The following TLN2 variants were observed in gnomAD, a reference collection of about 807,000 sequenced individuals.
TLN2 encodes talin 2.
Under a neutral mutation model 294.7 loss-of-function variants are expected in TLN2, and 118 were observed. That is an observed-to-expected ratio of 0.40 (90% CI 0.34 to 0.47). TLN2 has a LOEUF of 0.47. Ranked by LOEUF, TLN2 falls within the 20% of genes least tolerant of loss-of-function variation. The pLI, the probability that TLN2 is intolerant of heterozygous loss-of-function variation, is 0.84. For missense variants in TLN2, 3,083 were observed against 3,282.2 expected (o/e 0.94, Z 1.48); for synonymous variants, 1,431 against 1,304.5 (o/e 1.10, Z -2.09).
intron 1 of TLN2, among the ~76,000 whole-genome samples, chr15:62,397,340 C>T (rs1186891796): frequency 1.3e-5 from 2 of 152,186 alleles, no homozygotes; most frequent in East Asian, 3.8e-4. Flanking sequence ...TCACTACAGC[C>T]TCAAACTCCC....
Position 62,719,407 on chromosome 15 carries a change from A to G in TLN2, c.2878-360A>G, listed in dbSNP as rs538367113. On this transcript the variant is annotated intron_variant, in intron 24 of 58. Coordinates refer to ENST00000636159, the MANE Select transcript of TLN2 (RefSeq NM_015059.3). Reference sequence around the variant, plus strand: ...AACATGGGGCTGTACACTTCAGTTTACCACCTGTGAATCGTGTAGATCCTT... The same window carrying G: ...AACATGGGGCTGTACACTTCAGTTTGCCACCTGTGAATCGTGTAGATCCTT... Among the ~76,000 whole-genome samples the G allele has an allele frequency of 1.1e-4, 16 of 152,326 alleles. No homozygotes were observed. In the South Asian group the frequency reaches 2.9e-3, roughly 28 times the overall value.
intron 54 of TLN2, chr15:62,830,522 C>CTT (rs915733695): frequency 6.6e-6 from 1 of 152,174 alleles, no homozygotes; most frequent in Non-Finnish European, 1.5e-5. Flanking sequence ...TCCTTCCTAC[C>CTT]TTCTCCCCTA....
intron 9 of TLN2, among the ~76,000 whole-genome samples, chr15:62,667,132 AT>A (rs1295594294): frequency 2.0e-5 from 3 of 151,846 alleles, no homozygotes; most frequent in Non-Finnish European, 4.4e-5. Flanking sequence ...CGCCCGGCTA[AT>A]TTTTTGTATT....
chr15:62,606,081 GA>G (rs144686337), intron 2 of TLN2, among the ~76,000 whole-genome samples: 2,570 of 152,022 alleles, frequency 0.017, 46 homozygotes, highest in South Asian at 0.069. Flanking sequence ...ATTTCAAAAA[GA>G]TTTTTTTTTT....
At chr15:62,491,796 C>T (rs2038741554) in intron 1 of TLN2, among the ~76,000 whole-genome samples, 3 of 152,150 alleles carry the variant, frequency 2.0e-5, no homozygotes, top group African/African-American at 7.2e-5. Context: ...AGTTTCATAA[C>T]AGTCAGAGCA....
At chr15:62,709,586 G>A (rs537920001) in intron 21 of TLN2, among the ~76,000 whole-genome samples, 3 of 152,216 alleles carry the variant, frequency 2.0e-5, no homozygotes, top group Admixed American at 2.0e-4. Context: ...CTAATATACA[G>A]TCAGTTTAAA....
chr15:62,833,774 G>A (rs2069139322), intron 55 of TLN2, 145 bp downstream of exon 55: 5 of 1,201,792 alleles, frequency 4.2e-6, no homozygotes, highest in East Asian at 2.7e-5. Flanking sequence ...TGTGCTGACC[G>A]ACTGAAAACT....
intron 5 of TLN2, 137 bp from the exon 6 acceptor site, chr15:62,651,868 T>G (rs1216490165): frequency 9.2e-7 from 1 of 1,091,262 alleles, no homozygotes; most frequent in African/African-American, 1.6e-5. Context: ...TGAAAGGTTT[T>G]CAAAGATGTT....
chr15:62,802,584 G>A (rs1018762459), intron 50 of TLN2, among the ~76,000 whole-genome samples: 1 of 152,166 alleles, frequency 6.6e-6, no homozygotes, highest in Non-Finnish European at 1.5e-5. Context: ...TCTTTTGGGT[G>A]TATACCTAGG....
At chr15:62,465,062 C>G (rs916630829) in intron 1 of TLN2, among the ~76,000 whole-genome samples, 1 of 139,866 alleles carries the variant, frequency 7.1e-6, no homozygotes, top group Non-Finnish European at 1.5e-5. Flanking sequence ...CTCATTTGCT[C>G]TAATGGATAA....
intron 54 of TLN2, among the ~76,000 whole-genome samples, chr15:62,825,367 T>G (rs1353566598): frequency 2.0e-5 from 3 of 152,164 alleles, no homozygotes; most frequent in Non-Finnish European, 4.4e-5. Flanking sequence ...TGAATTGATG[T>G]GATTTTCTTG....
intron 11 of TLN2, among the ~76,000 whole-genome samples, chr15:62,676,948 A>G (rs961759809): frequency 2.0e-5 from 3 of 152,184 alleles, no homozygotes; most frequent in Admixed American, 6.5e-5. Context: ...AGCCCCAGCT[A>G]GATCCATTGA....
At chr15:62,626,621 G>C (rs1567213540) in intron 3 of TLN2, among the ~76,000 whole-genome samples, 1 of 152,178 alleles carries the variant, frequency 6.6e-6, no homozygotes, top group East Asian at 1.9e-4. Flanking sequence ...TGTGCACCTA[G>C]ACATGATGGC....
chr15:62,447,634 T>C (rs1282015089), intron 1 of TLN2, among the ~76,000 whole-genome samples: 8 of 151,854 alleles, frequency 5.3e-5, no homozygotes, highest in Non-Finnish European at 1.0e-4. Flanking sequence ...GCTGGGACTG[T>C]GGGCACCCGC....
At chr15:62,721,295 T>C (rs2060133555) in intron 25 of TLN2, among the ~76,000 whole-genome samples, 1 of 152,240 alleles carries the variant, frequency 6.6e-6, no homozygotes, top group Admixed American at 6.5e-5. Context: ...TAGAGCATGC[T>C]TTTAAATATA....
In TLN2 at chr15:62,724,981, T is replaced by C. The variant is rs200045639; in HGVS notation, c.3132T>C (p.His1044=). The C allele has an allele frequency of 3.2e-5, 52 of 1,611,190 alleles. 1 individual carries two copies. Among genetic ancestry groups the C allele is most frequent in the Middle Eastern group, 1.6e-4 (1 of 6,076 alleles). ...AELRTASQKA[H]EACGPMEIDS... is the part of the protein sequence containing the mutation. ...ATTTCCAACTCTGTTGGCAGGCCCA[T>C]GAAGCTTGTGGTCCGATGGAAATCG... Residue 1044 remains histidine, a synonymous_variant, in exon 27 of 59, where the codon CAT becomes CAC. Transcript: ENST00000636159.
intron 54 of TLN2, among the ~76,000 whole-genome samples, chr15:62,824,997 T>C (rs1025335057): frequency 1.3e-5 from 2 of 152,194 alleles, no homozygotes; most frequent in Non-Finnish European, 2.9e-5. Flanking sequence ...GCCACATTGC[T>C]TACAGGTGAA....
intron 1 of TLN2, among the ~76,000 whole-genome samples, chr15:62,536,946 G>T (rs761449490): frequency 1.4e-4 from 21 of 151,740 alleles, no homozygotes; most frequent in Non-Finnish European, 2.9e-4. Flanking sequence ...AGCTGCTTGA[G>T]AATGTACAAT....
chr15:62,496,247 A>G (rs1341320036), intron 1 of TLN2, among the ~76,000 whole-genome samples: 1 of 152,216 alleles, frequency 6.6e-6, no homozygotes, highest in East Asian at 1.9e-4. Flanking sequence ...GAAGAGAAGC[A>G]GCTTATTTCC....
Sources: allele counts gnomAD v4.1 joint callset (sites outside exome capture counted in the v4.1 genomes callset), GRCh38; gene constraint gnomAD v4.1.1; transcripts MANE v1.5; gene names NCBI Gene and HGNC (gene_info 2026-07-23, HGNC 2026-07-21).